The following TPH2 variants were observed in gnomAD, a reference collection of about 807,000 sequenced individuals.
The protein encoded by TPH2 is tryptophan hydroxylase 2.
TPH2 carries 27 observed loss-of-function variants against 59.1 expected under a neutral mutation model. The observed-to-expected ratio is 0.46, with a 90% CI of 0.34 to 0.63. TPH2 has a LOEUF of 0.63. TPH2 is among the 30% of genes least tolerant of loss of function. The pLI, the probability that TPH2 is intolerant of heterozygous loss-of-function variation, is 0.01. For synonymous variants in TPH2, 220 were observed against 210.5 expected, an observed-to-expected ratio of 1.05 and a Z score of -0.39; for missense variants, 523 against 588.3, an observed-to-expected ratio of 0.89 and a Z score of 1.15.
At chr12:72,018,884 C>T (rs1415647732) in intron 8 of TPH2, among the ~76,000 whole-genome samples, 1 of 152,158 alleles carries the variant, frequency 6.6e-6, no homozygotes, top group Non-Finnish European at 1.5e-5. Context: ...TGTCAAGCTC[C>T]TTAAAATCCT....
chr12:71,962,741 G>GTTTTT, intron 5 of TPH2: 1 of 941,386 alleles, frequency 1.1e-6, no homozygotes, highest in African/African-American at 1.8e-5. Flanking sequence ...GTTTTGTTTT[G>GTTTTT]AGATAGAGTA....
At chr12:72,025,967 T>C (rs898302352) in intron 9 of TPH2, among the ~76,000 whole-genome samples, 2 of 152,186 alleles carry the variant, frequency 1.3e-5, no homozygotes, top group African/African-American at 4.8e-5. Context: ...ACTTGGAATG[T>C]AGTAGGGAAA....
At chr12:72,023,824 A>AAAAAAAAAAAAAAAAAAAAAAAAAAG (rs1555215108) in intron 9 of TPH2, among the ~76,000 whole-genome samples, 20 of 126,320 alleles carry the variant, frequency 1.6e-4, no homozygotes, top group East Asian at 4.7e-4. Flanking sequence ...TCTGACAGAA[A>AAAAAAAAAAAAAAAAAAAAAAAAAAG]AAAAAAAAAA....
chr12:72,000,488 T>C (rs1426377211), intron 8 of TPH2, among the ~76,000 whole-genome samples: 1 of 152,206 alleles, frequency 6.6e-6, no homozygotes, highest in Non-Finnish European at 1.5e-5. Flanking sequence ...GAGTGAGGCC[T>C]GAGACTTGGC....
At chr12:72,021,997 T>G (rs1455146547) in intron 8 of TPH2, among the ~76,000 whole-genome samples, 2 of 152,222 alleles carry the variant, frequency 1.3e-5, no homozygotes, top group Non-Finnish European at 2.9e-5. Context: ...GATTCCAACT[T>G]ATTTTTCCAC....
intron 5 of TPH2, among the ~76,000 whole-genome samples, chr12:71,957,957 G>C (rs960808305): frequency 1.3e-5 from 2 of 152,278 alleles, no homozygotes; most frequent in South Asian, 2.1e-4. Flanking sequence ...GATTGTATTA[G>C]GTTCCTTTTC....
chr12:71,996,366 C>T (rs112755301), intron 8 of TPH2, among the ~76,000 whole-genome samples: 17 of 152,318 alleles, frequency 1.1e-4, no homozygotes, highest in South Asian at 4.1e-4. Flanking sequence ...TTTCAGCCCA[C>T]GCTCAACTGG....
chr12:71,984,424 G>A (rs1872372889), intron 7 of TPH2, among the ~76,000 whole-genome samples: 2 of 152,160 alleles, frequency 1.3e-5, no homozygotes, highest in East Asian at 1.9e-4. Flanking sequence ...TCCATAATGA[G>A]AGGAAAAATA....
chr12:72,009,353 A>G (rs905332469), intron 8 of TPH2, among the ~76,000 whole-genome samples: 1 of 152,194 alleles, frequency 6.6e-6, no homozygotes, highest in African/African-American at 2.4e-5. Flanking sequence ...ACCATGAGAC[A>G]CTAGAAATAT....
chr12:71,978,494 TAGAA>T, intron 6 of TPH2, among the ~76,000 whole-genome samples: 1 of 152,314 alleles, frequency 6.6e-6, no homozygotes, highest in South Asian at 2.1e-4. Context: ...GTATTGGCAA[TAGAA>T]AGCCTCAGTA....
At chr12:72,027,078 A>G (rs1873590901) in intron 9 of TPH2, among the ~76,000 whole-genome samples, 1 of 152,016 alleles carries the variant, frequency 6.6e-6, no homozygotes, top group South Asian at 2.1e-4. Context: ...TCCAACTTTA[A>G]CCAGTCTTAA....
chr12:71,958,579 A>T (rs1428955414), intron 5 of TPH2, among the ~76,000 whole-genome samples: 3 of 152,248 alleles, frequency 2.0e-5, no homozygotes, highest in African/African-American at 7.2e-5. Flanking sequence ...GTTGTTGGGG[A>T]CATCTGCCAG....
At chr12:72,015,072 C>T (rs1173790070) in intron 8 of TPH2, among the ~76,000 whole-genome samples, 1 of 152,082 alleles carries the variant, frequency 6.6e-6, no homozygotes, top group Non-Finnish European at 1.5e-5. Context: ...GGTGGGAAAA[C>T]ACTTGCTGCT....
intron 8 of TPH2, among the ~76,000 whole-genome samples, chr12:72,004,739 G>T (rs1423924336): frequency 6.6e-6 from 1 of 152,128 alleles, no homozygotes; most frequent in African/African-American, 2.4e-5. Flanking sequence ...GAAGATGGTT[G>T]GGACTTTTTT....
At chr12:71,994,615 G>C (rs1397997455) in intron 8 of TPH2, 50 bp downstream of exon 8, 1 of 1,607,406 alleles carries the variant, frequency 6.2e-7, no homozygotes, top group Non-Finnish European at 8.5e-7. Flanking sequence ...CCATTTGTAA[G>C]GTAAAGAAAG....
In TPH2 at chr12:71,944,639, T is replaced by C; in HGVS notation, c.493T>C (p.Ser165Pro). The change falls in exon 4 of 11, where the codon TCT becomes CCT. Residue 165 changes from serine (S) to proline (P), a missense_variant. By Grantham distance (74) the Ser-to-Pro change is moderately conservative. Coordinates refer to ENST00000333850, the MANE Select transcript of TPH2 (RefSeq NM_173353.4). Reference protein sequence around the residue: ...PRKISELDKCSHRVLMYGSEL... With the variant: ...PRKISELDKCPHRVLMYGSEL... ...GAAGATCTCTGAGTTAGACAAATGC[T>C]CTCACAGAGTTCTCATGTATGGTTC... is the stretch of plus-strand genomic sequence containing the variant. The C allele has an allele frequency of 6.2e-7, 1 of 1,613,934 alleles. No homozygotes were observed. The highest frequency in any genetic ancestry group is 1.7e-5 in the Admixed American group (1 of 59,996).
intron 9 of TPH2, among the ~76,000 whole-genome samples, chr12:72,027,056 GT>G (rs534324470): frequency 3.4e-4 from 50 of 146,220 alleles, no homozygotes; most frequent in East Asian, 2.0e-3. Flanking sequence ...TCACACTTGA[GT>G]TTTTTTTTTT....
chr12:71,970,595 T>C (rs1057365748), intron 5 of TPH2, among the ~76,000 whole-genome samples: 1 of 152,250 alleles, frequency 6.6e-6, no homozygotes. Flanking sequence ...TTATTAGCTT[T>C]ACTGGCTTAC....
intron 8 of TPH2, among the ~76,000 whole-genome samples, chr12:72,021,863 A>G (rs1385369154): frequency 3.9e-5 from 6 of 152,230 alleles, no homozygotes; most frequent in Non-Finnish European, 1.5e-5. Context: ...TGGTAGTCAT[A>G]TAGAGGTACT....
Sources: gnomAD v4.1 joint callset for allele counts (sites outside exome capture counted in the v4.1 genomes callset) on GRCh38, gnomAD v4.1.1 for gene constraint, MANE v1.5 for transcripts, NCBI Gene and HGNC (gene_info 2026-07-23, HGNC 2026-07-21) for gene names.